The following BPIFB1 variants were observed in gnomAD, a reference collection of about 807,000 sequenced individuals.
The protein encoded by BPIFB1 is BPI fold-containing family B member 1.
A neutral mutation model predicts 55.1 loss-of-function variants in BPIFB1; 34 were observed. That is an observed-to-expected ratio of 0.62 (90% CI 0.47 to 0.82). The LOEUF is 0.82. Among genes scored for constraint, BPIFB1 ranks in the 40% least tolerant of loss-of-function variants. BPIFB1 has a pLI of 0.00. For missense variants in BPIFB1, 532 were observed against 593.1 expected, an observed-to-expected ratio of 0.90 and a Z score of 1.07; for synonymous variants, 236 against 245.3, an observed-to-expected ratio of 0.96 and a Z score of 0.35.
chr20:33,301,221 C>A lies in BPIFB1; in HGVS notation c.748-12C>A. ...TAAAATTCTTAGCTGACTCCCTGCT[C>A]TGTCTCCTCAGGCCAAGTTGTTGGA... On this transcript the variant is annotated splice_polypyrimidine_tract_variant and intron_variant, in intron 8 of 15. Coordinates refer to ENST00000253354, the MANE Select transcript of BPIFB1 (RefSeq NM_033197.3). 1 of 1,611,874 alleles carries A rather than the reference C, an allele frequency of 6.2e-7. No homozygotes were observed. The highest frequency in any genetic ancestry group is 1.1e-5 in the South Asian group (1 of 90,990).
At chr20:33,297,697 A>G in intron 7 of BPIFB1, 109 bp downstream of exon 7, 1 of 1,129,676 alleles carries the variant, frequency 8.9e-7, no homozygotes, top group Non-Finnish European at 1.3e-6. Context: ...GCTGCAACTC[A>G]GGCCCAGAAG....
At chr20:33,289,273 C>T (rs886485050) in intron 3 of BPIFB1, among the ~76,000 whole-genome samples, 4 of 151,416 alleles carry the variant, frequency 2.6e-5, no homozygotes, top group Non-Finnish European at 4.4e-5. Flanking sequence ...CCCAGCTACT[C>T]AGGAGGCTGA....
At chr20:33,289,108 C>T (rs971186931) in intron 3 of BPIFB1, among the ~76,000 whole-genome samples, 5 of 152,116 alleles carry the variant, frequency 3.3e-5, no homozygotes, top group Non-Finnish European at 5.9e-5. Context: ...AGGCCAGGGA[C>T]GGTGGCTCAA....
At chr20:33,302,850 A>T (rs1980896573) in intron 10 of BPIFB1, 66 bp from the exon 11 acceptor site, 2 of 1,569,402 alleles carry the variant, frequency 1.3e-6, no homozygotes, top group Non-Finnish European at 1.7e-6. Flanking sequence ...GGGCCAGGCC[A>T]CACACAGAGC....
In BPIFB1 at chr20:33,309,579, C is replaced by T. The variant is rs1401297001; in HGVS notation, c.1396-129C>T. 1 of 809,116 alleles carries T rather than the reference C, an allele frequency of 1.2e-6. No individual in the cohort carries two copies. Among genetic ancestry groups the T allele is most frequent in the Non-Finnish European group, 2.1e-6 (1 of 485,500 alleles). The allele number at this position is 809,116 out of a possible 1,614,324, so 50.1% of individuals were successfully genotyped here. A position where few individuals can be genotyped will look rare whatever the true frequency, so the allele number is the denominator to read the frequency against. On this transcript the variant is annotated intron_variant, in intron 15 of 15. Transcript: ENST00000253354. The surrounding 1 kb of genome is among the most constrained non-coding windows in gnomAD (Gnocchi z 4.4). ...CTCCACCCCGACCCTTCTAAGAATT[C>T]TGTATTTGTGGGTTCAGGGTCATGG...
At chr20:33,302,234 C>A in intron 9 of BPIFB1, 125 bp from the exon 10 acceptor site, 1 of 912,006 alleles carries the variant, frequency 1.1e-6, no homozygotes, top group Non-Finnish European at 1.8e-6. Flanking sequence ...AGACACATGG[C>A]TTGGGTCACT....
At position 33,301,291 on chromosome 20, in the gene BPIFB1, C is replaced by G; in HGVS notation, c.806C>G (p.Ser269Cys). ...VTKWFNNSAA[S>C]LTMPTLDNIP... The stretch of plus-strand genomic sequence containing the variant: ...AAGTGGTTCAATAACTCTGCAGCTT[C>G]CCTGACAATGCCCACCCTGGACAAC... Residue 269 changes from serine (S) to cysteine (C), a missense_variant, in exon 9 of 16, where the codon TCC becomes TGC. Transcript: ENST00000253354. 6.2e-7 allele frequency: 1 copy of G among 1,614,238 alleles called. No individual in the cohort carries two copies. The highest frequency in any genetic ancestry group is 1.7e-4 in the Middle Eastern group (1 of 6,052).
rs374254446 is a variant in BPIFB1, at chr20:33,289,807, T to C, written c.258-78T>C. The stretch of plus-strand genomic sequence containing the variant: ...CTGCTGCCTAGGCACCCCAGGGAGA[T>C]GGAAAAGATAGAGAGGGAGTGGATT... On this transcript the variant is annotated intron_variant, in intron 3 of 15. Coordinates refer to ENST00000253354, the MANE Select transcript of BPIFB1 (RefSeq NM_033197.3). The C allele has an allele frequency of 3.4e-4, 462 of 1,362,532 alleles. 4 individuals carry two copies. In the South Asian group the frequency reaches 4.5e-3, roughly 13 times the overall value. 84.4% of individuals were successfully genotyped at this position (1,362,532 alleles called of 1,614,324 possible). A position where few individuals can be genotyped will look rare whatever the true frequency, so the allele number is the denominator to read the frequency against.
intron 15 of BPIFB1, among the ~76,000 whole-genome samples, chr20:33,308,844 TACACACACCAC>T (rs1394179642): frequency 2.9e-5 from 4 of 138,298 alleles, no homozygotes; most frequent in Non-Finnish European, 6.3e-5. Flanking sequence ...ACACACATAA[TACACACACCAC>T]ACACATACAC....
intron 13 of BPIFB1, 37 bp downstream of exon 13, chr20:33,304,928 G>A: frequency 6.2e-7 from 1 of 1,610,866 alleles, no homozygotes; most frequent in Admixed American, 1.7e-5. Flanking sequence ...GGCACAGGGG[G>A]TGGCCTGGAA....
chr20:33,284,398 A>G (rs1980197745), intron 1 of BPIFB1, among the ~76,000 whole-genome samples: 2 of 152,156 alleles, frequency 1.3e-5, no homozygotes, highest in East Asian at 3.9e-4. Flanking sequence ...AGGCTATGCA[A>G]TTATTCAGCA....
At position 33,306,025 on chromosome 20, in the gene BPIFB1, C is replaced by G; in HGVS notation, c.1278C>G (p.Ile426Met). 6.2e-7 allele frequency: 1 copy of G among 1,614,158 alleles called. No individual in the cohort carries two copies. Residue 426 changes from isoleucine (I) to methionine (M), a missense_variant, in exon 14 of 16, where the codon ATC becomes ATG. Coordinates refer to ENST00000253354, the MANE Select transcript of BPIFB1 (RefSeq NM_033197.3). The part of the protein sequence containing the change: ...WFQPDVLKNI[I>M]TEIIHSILLP... Reference sequence around the variant, plus strand: ...AGCCTGATGTTCTGAAAAACATCATCACTGAGATCATCCACTCCATCCTGC... The same window carrying G: ...AGCCTGATGTTCTGAAAAACATCATGACTGAGATCATCCACTCCATCCTGC...
At chr20:33,300,103 G>A (rs1041814029) in intron 8 of BPIFB1, 119 bp downstream of exon 8, 26 of 848,278 alleles carry the variant, frequency 3.1e-5, no homozygotes, top group Admixed American at 2.1e-4. Context: ...ATTAGGACAC[G>A]GGCTGATCTA....
At chr20:33,287,506 A>C (rs573122408) in intron 2 of BPIFB1, among the ~76,000 whole-genome samples, 4 of 152,348 alleles carry the variant, frequency 2.6e-5, no homozygotes, top group African/African-American at 9.6e-5. Flanking sequence ...AGAGCTCTAA[A>C]GGATAACCTA....
At position 33,289,388 on chromosome 20, in the gene BPIFB1, A is replaced by C. The variant is rs374582623; in HGVS notation, c.258-497A>C. Reference sequence around the variant, plus strand: ...AAGAGTGAGATTCTGTCTCAAAAAAAAAAAAACAAAAAAAAAAAAACAACC... The same window carrying C: ...AAGAGTGAGATTCTGTCTCAAAAAACAAAAAACAAAAAAAAAAAAACAACC... On this transcript the variant is annotated intron_variant, in intron 3 of 15. Coordinates refer to ENST00000253354, the MANE Select transcript of BPIFB1 (RefSeq NM_033197.3). Among the ~76,000 whole-genome samples, 950 of 150,246 alleles carry C rather than the reference A, an allele frequency of 6.3e-3. 11 individuals carry two copies. Among genetic ancestry groups the C allele is most frequent in the African/African-American group, 0.02 (821 of 40,510 alleles).
chr20:33,291,390 C>A (rs190389904), intron 5 of BPIFB1, among the ~76,000 whole-genome samples: 2 of 152,280 alleles, frequency 1.3e-5, no homozygotes, highest in East Asian at 3.9e-4. Flanking sequence ...AACACCAGGG[C>A]AGGTGTAGGT....
chr20:33,294,683 T>A (rs750364305), intron 6 of BPIFB1, among the ~76,000 whole-genome samples: 2 of 152,208 alleles, frequency 1.3e-5, no homozygotes, highest in Non-Finnish European at 2.9e-5. Flanking sequence ...AAAAATATAT[T>A]TTCCAGTAGA....
intron 8 of BPIFB1, 142 bp from the exon 9 acceptor site, chr20:33,301,091 C>T (rs1047412110): frequency 3.3e-5 from 25 of 753,190 alleles, no homozygotes; most frequent in Non-Finnish European, 5.0e-5. Flanking sequence ...GATGTTGCCA[C>T]ACACCTGAGC....
In BPIFB1 at chr20:33,297,600, G is replaced by A. The variant is rs1366381675; in HGVS notation, c.661+12G>A. The A allele has an allele frequency of 6.2e-7, 1 of 1,614,028 alleles. No individual in the cohort carries two copies. Among genetic ancestry groups the A allele is most frequent in the Non-Finnish European group, 8.5e-7 (1 of 1,179,914 alleles). On this transcript the variant is annotated intron_variant, in intron 7 of 15. Coordinates refer to ENST00000253354, the MANE Select transcript of BPIFB1 (RefSeq NM_033197.3). ...GCAGCTGGTGAAGGGTAGGTGCTCT[G>A]CTCTCTCTCCCACTTTTTCCTTTAC...
Sources: gnomAD v4.1 joint callset for allele counts (sites outside exome capture counted in the v4.1 genomes callset) on GRCh38, gnomAD v4.1.1 for gene constraint, Gnocchi (gnomAD v3.1) non-coding constraint, MANE v1.5 for transcripts, NCBI Gene and HGNC (gene_info 2026-07-23, HGNC 2026-07-21) for gene names.